The following KYNU variants were observed in gnomAD, a reference collection of about 807,000 sequenced individuals.
The protein encoded by KYNU is L-kynurenine hydrolase.
In KYNU, 54 loss-of-function variants were observed where a neutral mutation model predicts 59.2. The observed-to-expected ratio is 0.91, with a 90% CI of 0.73 to 1.14. The LOEUF is 1.14. Among genes scored for constraint, KYNU ranks in the 50% most tolerant of loss-of-function variants. The pLI, the probability that KYNU is intolerant of heterozygous loss-of-function variation, is 0.00. For synonymous variants in KYNU, 177 were observed against 192.0 expected (o/e 0.92, Z 0.65); for missense variants, 567 against 554.4 (o/e 1.02, Z -0.23).
intron 8 of KYNU, among the ~76,000 whole-genome samples, chr2:142,970,239 T>G (rs999179562): frequency 3.3e-5 from 5 of 152,164 alleles, no homozygotes; most frequent in African/African-American, 1.2e-4. Flanking sequence ...TCGCAGCAGA[T>G]AATCTATCTT....
At chr2:142,906,760 G>A (rs575192861) in intron 2 of KYNU, among the ~76,000 whole-genome samples, 35 of 152,266 alleles carry the variant, frequency 2.3e-4, no homozygotes, top group South Asian at 6.2e-4. Context: ...ACAGGTAGGG[G>A]CGCACACATG....
chr2:142,921,809 A>AATACATAC (rs11274854), intron 3 of KYNU, among the ~76,000 whole-genome samples: 22 of 147,980 alleles, frequency 1.5e-4, no homozygotes, highest in South Asian at 8.9e-4. Context: ...CATGTCTTTA[A>AATACATAC]ATACATACAT....
chr2:142,943,029 C>T (rs1482268785), intron 4 of KYNU, among the ~76,000 whole-genome samples: 1 of 151,990 alleles, frequency 6.6e-6, no homozygotes, highest in Non-Finnish European at 1.5e-5. Flanking sequence ...GCCCACTCAC[C>T]CAAATCCTGA....
At chr2:143,017,434 C>CTTTTTTCTTTTT (rs1558977527) in intron 10 of KYNU, among the ~76,000 whole-genome samples, 2 of 68,440 alleles carry the variant, frequency 2.9e-5, no homozygotes, top group Admixed American at 2.2e-4. Context: ...TCTCTTTTTT[C>CTTTTTTCTTTTT]TTTTTTTTTT....
At chr2:142,941,549 C>A (rs1683600685) in intron 4 of KYNU, among the ~76,000 whole-genome samples, 1 of 152,138 alleles carries the variant, frequency 6.6e-6, no homozygotes, top group Non-Finnish European at 1.5e-5. Flanking sequence ...AAGCCTCAAA[C>A]CTTATATGAC....
At chr2:143,016,842 C>G (rs1392718715) in intron 10 of KYNU, among the ~76,000 whole-genome samples, 2 of 152,152 alleles carry the variant, frequency 1.3e-5, no homozygotes, top group Non-Finnish European at 2.9e-5. Context: ...GATCCCATCA[C>G]CTAGGTACTG....
At chr2:142,946,969 T>C in intron 4 of KYNU, 14 of 1,379,028 alleles carry the variant, frequency 1.0e-5, no homozygotes, top group Non-Finnish European at 1.1e-5. Flanking sequence ...TTGTACTTTT[T>C]GTATTTCAAA....
At chr2:142,941,798 A>G (rs1683609681) in intron 4 of KYNU, among the ~76,000 whole-genome samples, 1 of 152,218 alleles carries the variant, frequency 6.6e-6, no homozygotes, top group Non-Finnish European at 1.5e-5. Context: ...AGATCATACT[A>G]TTAGCTCCAA....
At chr2:143,029,107 C>T (rs1212580584) in intron 10 of KYNU, among the ~76,000 whole-genome samples, 1 of 152,068 alleles carries the variant, frequency 6.6e-6, no homozygotes, top group Admixed American at 6.5e-5. Flanking sequence ...CTTAAGTTGA[C>T]ATTTCACACA....
chr2:143,007,086 G>C (rs1194915869), intron 10 of KYNU, among the ~76,000 whole-genome samples: 3 of 152,062 alleles, frequency 2.0e-5, no homozygotes, highest in Non-Finnish European at 4.4e-5. Flanking sequence ...AGAGAAGAAG[G>C]CTTCAGACGA....
chr2:142,935,259 G>A (rs1037556913), intron 4 of KYNU, among the ~76,000 whole-genome samples: 1 of 152,158 alleles, frequency 6.6e-6, no homozygotes, highest in African/African-American at 2.4e-5. Context: ...AGAGAAAAAG[G>A]GCTGGTTTTC....
At chr2:142,929,204 ACT>A (rs761699383) in intron 4 of KYNU, among the ~76,000 whole-genome samples, 4 of 151,694 alleles carry the variant, frequency 2.6e-5, no homozygotes, top group Non-Finnish European at 5.9e-5. Flanking sequence ...GCATGTAACT[ACT>A]CTTTTTTCTA....
intron 4 of KYNU, among the ~76,000 whole-genome samples, chr2:142,932,809 CTG>C (rs1683270593): frequency 6.6e-6 from 1 of 152,010 alleles, no homozygotes. Context: ...GGCGTCCTTG[CTG>C]TAAGAAGGAG....
chr2:142,881,909 C>CTTTTTTTTTTTTTTT lies in KYNU; in HGVS notation c.-19-3434_-19-3433insTTTTTTTTTTTTTTT, dbSNP rs1222437103. Among the ~76,000 whole-genome samples, 6 of 124,666 alleles carry CTTTTTTTTTTTTTTT rather than the reference C, an allele frequency of 4.8e-5. 2 individuals are homozygous for CTTTTTTTTTTTTTTT. Among genetic ancestry groups the CTTTTTTTTTTTTTTT allele is most frequent in the African/African-American group, 2.0e-4 (6 of 30,122 alleles). 81.8% of individuals were successfully genotyped at this position (124,666 alleles called of 152,430 possible). ...TGCCAGCACACCTGGCTTTTCTTTT[C>CTTTTTTTTTTTTTTT]TTTTTTCTTTTTTTTTTTTTTTTTT... is the stretch of plus-strand genomic sequence containing the variant. On this transcript the variant is annotated intron_variant, in intron 1 of 13. Coordinates refer to ENST00000264170, the MANE Select transcript of KYNU (RefSeq NM_003937.3).
intron 10 of KYNU, among the ~76,000 whole-genome samples, chr2:143,007,734 G>C (rs1313744368): frequency 8.1e-6 from 1 of 123,324 alleles, no homozygotes; most frequent in Middle Eastern, 3.7e-3. Context: ...CAAGCCAGAA[G>C]AGAGTGGGGG....
intron 12 of KYNU, among the ~76,000 whole-genome samples, chr2:143,036,910 A>G (rs1308730374): frequency 3.3e-5 from 5 of 152,230 alleles, no homozygotes; most frequent in Non-Finnish European, 7.3e-5. Flanking sequence ...GAAATATTCA[A>G]CACAGTCAAA....
chr2:142,918,815 G>A (rs1022533874), intron 3 of KYNU, 86 bp downstream of exon 3: 2 of 1,434,802 alleles, frequency 1.4e-6, no homozygotes, highest in South Asian at 1.2e-5. Flanking sequence ...TTGGAAAGAT[G>A]TGTAATAGAA....
Position 142,954,753 on chromosome 2 carries a change from T to C in KYNU, c.374-57T>C, listed in dbSNP as rs144002326. Reference sequence around the variant, plus strand: ...TGAGTGAAGTCTTCCTACTTTGTTTTTTCAGTATCTTTAGACATAGTACAA... The same window carrying C: ...TGAGTGAAGTCTTCCTACTTTGTTTCTTCAGTATCTTTAGACATAGTACAA... On this transcript the variant is annotated intron_variant, in intron 4 of 13. Transcript: ENST00000264170. 6.1e-5 allele frequency: 71 copies of C among 1,172,964 alleles called. No individual in the cohort carries two copies. The African/African-American group carries it at 9.8e-4, about 16-fold the overall frequency. 72.7% of individuals were successfully genotyped at this position (1,172,964 alleles called of 1,614,324 possible). A position where few individuals can be genotyped will look rare whatever the true frequency, so the allele number is the denominator to read the frequency against.
chr2:142,941,449 G>A (rs1558934232), intron 4 of KYNU, among the ~76,000 whole-genome samples: 1 of 152,160 alleles, frequency 6.6e-6, no homozygotes, highest in Non-Finnish European at 1.5e-5. Context: ...TATAATGTGG[G>A]ATATAGAAGA....
Sources: gnomAD v4.1 joint callset for allele counts (sites outside exome capture counted in the v4.1 genomes callset) on GRCh38, gnomAD v4.1.1 for gene constraint, MANE v1.5 for transcripts, NCBI Gene and HGNC (gene_info 2026-07-23, HGNC 2026-07-21) for gene names.